The following ATL1 variants were observed in gnomAD, a reference collection of about 807,000 sequenced individuals.
The protein encoded by ATL1 is atlastin-1.
ATL1 carries 31 observed loss-of-function variants against 75.5 expected under a neutral mutation model. The ratio of observed to expected loss-of-function variants is 0.41; its 90% CI spans 0.31 to 0.55. ATL1 has a LOEUF of 0.55. Ranked by LOEUF, ATL1 falls within the 20% of genes least tolerant of loss-of-function variation. ATL1 has a pLI of 0.27. For synonymous variants in ATL1, 226 were observed against 233.3 expected, an observed-to-expected ratio of 0.97 and a Z score of 0.28; for missense variants, 405 against 662.6, an observed-to-expected ratio of 0.61 and a Z score of 4.27.
chr14:50,550,372 T>A (rs924321433), intron 1 of ATL1, among the ~76,000 whole-genome samples: 3 of 152,230 alleles, frequency 2.0e-5, no homozygotes, highest in African/African-American at 7.2e-5. Context: ...ACATCTGTGT[T>A]TGCCTTGTTT....
At chr14:50,618,627 A>T (rs1276731823) in intron 8 of ATL1, among the ~76,000 whole-genome samples, 1 of 152,154 alleles carries the variant, frequency 6.6e-6, no homozygotes, top group Non-Finnish European at 1.5e-5. Flanking sequence ...ATGTAGCCCC[A>T]ATGTTATAAC....
chr14:50,608,200 T>C (rs1257498969), intron 6 of ATL1, among the ~76,000 whole-genome samples: 1 of 151,996 alleles, frequency 6.6e-6, no homozygotes, highest in African/African-American at 2.4e-5. Context: ...CCTATATTCA[T>C]ACGTGAGCAA....
At chr14:50,556,287 C>A (rs2038764637), upstream of ATL1, among the ~76,000 whole-genome samples, 1 of 152,124 alleles carries the variant, frequency 6.6e-6, no homozygotes, top group Admixed American at 6.5e-5. Context: ...TGAAGTGCAG[C>A]GGCCTGAATC....
At chr14:50,624,726 A>C (rs1287923718) in intron 11 of ATL1, among the ~76,000 whole-genome samples, 2 of 152,072 alleles carry the variant, frequency 1.3e-5, no homozygotes, top group African/African-American at 4.8e-5. Flanking sequence ...TGCACCAATT[A>C]GTTAGCCAGG....
chr14:50,617,671 C>T (rs2039428079), intron 8 of ATL1, among the ~76,000 whole-genome samples: 1 of 152,166 alleles, frequency 6.6e-6, no homozygotes, highest in Non-Finnish European at 1.5e-5. Flanking sequence ...CCCCTAAAGT[C>T]CTTGGAAGAT....
chr14:50,611,741 C>T (rs1464416478), intron 6 of ATL1, among the ~76,000 whole-genome samples: 2 of 152,104 alleles, frequency 1.3e-5, no homozygotes, highest in Non-Finnish European at 2.9e-5. Flanking sequence ...CCACACCCTC[C>T]AGAATGTTTA....
chr14:50,624,034 A>G (rs545511594), intron 11 of ATL1, among the ~76,000 whole-genome samples: 97 of 149,730 alleles, frequency 6.5e-4, no homozygotes, highest in Admixed American at 1.1e-3. Flanking sequence ...CAGCCTGGGC[A>G]ACAGAGCAAG....
chr14:50,564,582 G>A (rs1370709432), intron 1 of ATL1, among the ~76,000 whole-genome samples: 1 of 146,328 alleles, frequency 6.8e-6, no homozygotes, highest in Non-Finnish European at 1.5e-5. Flanking sequence ...CCGGGAGGCG[G>A]AGGTTGCAGT....
Position 50,560,777 on chromosome 14 carries a change from C to G in ATL1, c.34+478C>G, listed in dbSNP as rs766743534. Among the ~76,000 whole-genome samples the G allele has an allele frequency of 5.5e-3, 833 of 152,272 alleles. 2 individuals are homozygous for G. The highest frequency in any genetic ancestry group is 7.3e-3 in the Non-Finnish European group (498 of 68,012). Reference sequence around the variant, plus strand: ...GCTGGCTCTGCAGGGCGCGGGCTCCCGGCGGCGGGCGGCGGGCGGCGCGCT... The same window carrying G: ...GCTGGCTCTGCAGGGCGCGGGCTCCGGGCGGCGGGCGGCGGGCGGCGCGCT... On this transcript the variant is annotated intron_variant, in intron 1 of 13. Transcript: ENST00000358385.
At chr14:50,554,212 C>A (rs901054288) in intron 1 of ATL1, among the ~76,000 whole-genome samples, 4 of 152,008 alleles carry the variant, frequency 2.6e-5, no homozygotes, top group Non-Finnish European at 4.4e-5. Flanking sequence ...TGTTTTAAAT[C>A]ATTTGTCAAC....
At chr14:50,561,845 C>A (rs1403342960) in intron 1 of ATL1, among the ~76,000 whole-genome samples, 1 of 152,092 alleles carries the variant, frequency 6.6e-6, no homozygotes, top group Non-Finnish European at 1.5e-5. Flanking sequence ...CCCTTTCCAC[C>A]CGTTCTCTTG....
At chr14:50,582,728 T>A (rs2039068510) in intron 1 of ATL1, among the ~76,000 whole-genome samples, 2 of 152,004 alleles carry the variant, frequency 1.3e-5, no homozygotes, top group South Asian at 4.2e-4. Context: ...GCCCAGCTGC[T>A]AATTCATTTT....
intron 12 of ATL1, among the ~76,000 whole-genome samples, chr14:50,629,551 A>G (rs2039557860): frequency 6.7e-6 from 1 of 149,846 alleles, no homozygotes; most frequent in South Asian, 2.1e-4. Context: ...ACAGCACTCC[A>G]GCCTGGGCAA....
At chr14:50,569,444 C>A (rs2038935295) in intron 1 of ATL1, among the ~76,000 whole-genome samples, 1 of 150,934 alleles carries the variant, frequency 6.6e-6, no homozygotes, top group Non-Finnish European at 1.5e-5. Flanking sequence ...ACATTACTTT[C>A]TTAAATTATA....
At chr14:50,585,085 G>A (rs748171568) in intron 1 of ATL1, among the ~76,000 whole-genome samples, 1 of 152,142 alleles carries the variant, frequency 6.6e-6, no homozygotes, top group Non-Finnish European at 1.5e-5. Flanking sequence ...ACCACAGTGA[G>A]ATAACATTTT....
chr14:50,584,586 G>C (rs2039084773), intron 1 of ATL1, among the ~76,000 whole-genome samples: 3 of 151,978 alleles, frequency 2.0e-5, no homozygotes, highest in African/African-American at 7.2e-5. Context: ...GCGGGCACCT[G>C]TAGTCCCAGC....
rs1324131690 is a variant in ATL1, at chr14:50,614,509, A to G, written c.860A>G (p.Lys287Arg). 1 of 1,613,808 alleles carries G rather than the reference A, an allele frequency of 6.2e-7. No homozygotes were observed. The highest frequency in any genetic ancestry group is 8.5e-7 in the Non-Finnish European group (1 of 1,179,862). The part of the protein sequence containing the change: ...ATNPNFDGKL[K>R]EIDDEFIKNL... ...AATCCAAACTTTGATGGAAAATTGA[A>G]AGGTTTGTGTCTTTTAATGAATATG... Residue 287 changes from lysine to arginine, a missense_variant and splice_region_variant, in exon 8 of 14, where the codon AAA becomes AGA. By Grantham distance (26) the Lys-to-Arg change is conservative (BLOSUM62 2). Around this residue, in one of 5 missense-constraint regions of ATL1, gnomAD observed 56 missense variants for 66.6 expected, o/e 0.84. Transcript: ENST00000358385.
upstream of ATL1, among the ~76,000 whole-genome samples, chr14:50,556,920 C>T (rs1020786806): frequency 5.9e-5 from 9 of 152,106 alleles, no homozygotes; most frequent in South Asian, 2.1e-4. Flanking sequence ...ATTGTTTCCA[C>T]CTTTTGGCTA....
intron 4 of ATL1, among the ~76,000 whole-genome samples, chr14:50,593,625 G>A (rs1357657825): frequency 6.6e-6 from 1 of 152,156 alleles, no homozygotes. Flanking sequence ...CAGAGCAGGT[G>A]ACTACTGTAT....
Sources: gnomAD v4.1 joint callset for allele counts (sites outside exome capture counted in the v4.1 genomes callset) on GRCh38, gnomAD v4.1.1 for gene constraint, gnomAD v4.1.1 regional missense constraint, MANE v1.5 for transcripts, NCBI Gene and HGNC (gene_info 2026-07-23, HGNC 2026-07-21) for gene names.